SLC39A14: variants seen among roughly 807,000 people sequenced by gnomAD.
SLC39A14 encodes the protein metal cation symporter ZIP14.
SLC39A14 carries 19 observed loss-of-function variants against 45.5 expected under a neutral mutation model. The ratio of observed to expected loss-of-function variants is 0.42; its 90% CI spans 0.29 to 0.61. The LOEUF (loss-of-function observed/expected upper bound fraction) is 0.61, where lower values mean the gene tolerates loss of function less well. Ranked by LOEUF, SLC39A14 falls within the 20% of genes least tolerant of loss-of-function variation. The probability of loss-of-function intolerance (pLI) is 0.22; values close to 1 mark genes in which losing one functional copy is unlikely to be tolerated. For missense variants in SLC39A14, 447 were observed against 616.5 expected (o/e 0.73, Z 2.91); for synonymous variants, 264 against 251.3 (o/e 1.05, Z -0.48).
chr8:22,427,206 G>A (rs917476821), downstream of SLC39A14, among the ~76,000 whole-genome samples: 2 of 152,122 alleles, frequency 1.3e-5, no homozygotes, highest in East Asian at 2.0e-4. Flanking sequence ...CAGGAGAATC[G>A]TTTGAACCCA....
chr8:22,425,883 G>GTTTT (rs72023394), downstream of SLC39A14, among the ~76,000 whole-genome samples: 16 of 140,958 alleles, frequency 1.1e-4, no homozygotes, highest in East Asian at 4.6e-4. Flanking sequence ...GCTCTAGATG[G>GTTTT]TTTTTGTTTT....
chr8:22,430,231 G>A (rs538620158), intron 8 of SLC39A14, among the ~76,000 whole-genome samples: 50 of 152,170 alleles, frequency 3.3e-4, no homozygotes, highest in Admixed American at 1.6e-3. Context: ...CAACCAGCCT[G>A]GCTAATTTAA....
chr8:22,424,364 T>TA (rs953184936), downstream of SLC39A14, among the ~76,000 whole-genome samples: 28 of 151,622 alleles, frequency 1.8e-4, no homozygotes, highest in East Asian at 3.9e-4. Context: ...ACCAGTAAGA[T>TA]AAAAAAAAAG....
Position 22,432,450 on chromosome 8 carries a change from C to A in SLC39A14, c.1333-1441C>A, listed in dbSNP as rs191239733. On this transcript the variant is annotated intron_variant, in intron 8 of 8. Transcript: ENST00000240095. Reference sequence around the variant, plus strand: ...CTCCCTTCTCTCTCTCTTCTCCCTCCTTCCTTTTTCTCTCTCTCTCTCTCT... The same window carrying A: ...CTCCCTTCTCTCTCTCTTCTCCCTCATTCCTTTTTCTCTCTCTCTCTCTCT... Among the ~76,000 whole-genome samples, 65 of 151,758 alleles carry A rather than the reference C, an allele frequency of 4.3e-4. 1 individual carries two copies. Among genetic ancestry groups the A allele is most frequent in the Admixed American group, 3.9e-3 (59 of 15,196 alleles).
intron 1 of SLC39A14, among the ~76,000 whole-genome samples, chr8:22,396,709 G>GTTT (rs112051827): frequency 6.9e-6 from 1 of 144,756 alleles, no homozygotes; most frequent in Non-Finnish European, 1.5e-5. Flanking sequence ...CAGGTGCACC[G>GTTT]TTTTTTTTTT....
At chr8:22,386,685 A>G (rs1244814245) in intron 1 of SLC39A14, among the ~76,000 whole-genome samples, 3 of 152,240 alleles carry the variant, frequency 2.0e-5, no homozygotes, top group African/African-American at 7.2e-5. Context: ...GCTGAGAGGA[A>G]GCTGGAAGCC....
Position 22,422,201 on chromosome 8 carries a change from C to T in SLC39A14, c.*2503C>T. The T allele has an allele frequency of 1.0e-6, 1 of 985,380 alleles. No homozygotes were observed. Among genetic ancestry groups the T allele is most frequent in the Non-Finnish European group, 1.2e-6 (1 of 829,864 alleles). 61.0% of individuals were successfully genotyped at this position (985,380 alleles called of 1,614,324 possible). On this transcript the variant is annotated 3_prime_UTR_variant, in exon 9 of 9. Transcript: ENST00000381237. ...GCTTCGACCTCATTTTCCAGATGCA[C>T]CAGCTCCTATTAATAAGTTAGCAAG...
At chr8:22,404,578 G>A (rs1835091092) in intron 1 of SLC39A14, 118 bp from the exon 2 acceptor site, 2 of 905,326 alleles carry the variant, frequency 2.2e-6, no homozygotes, top group Non-Finnish European at 3.4e-6. Context: ...TCAAGAAGGA[G>A]CAGAGAAGCA....
intron 1 of SLC39A14, among the ~76,000 whole-genome samples, chr8:22,383,789 C>T (rs1284564902): frequency 6.6e-6 from 1 of 152,164 alleles, no homozygotes; most frequent in Non-Finnish European, 1.5e-5. Context: ...CTCCAATTGG[C>T]GTATCTGTAT....
intron 1 of SLC39A14, among the ~76,000 whole-genome samples, chr8:22,400,178 A>T (rs1403707462): frequency 2.0e-5 from 3 of 152,208 alleles, no homozygotes; most frequent in Admixed American, 6.5e-5. Flanking sequence ...TTAAGAAAGC[A>T]CTGAATTTAA....
chr8:22,411,940 C>A, intron 3 of SLC39A14, 97 bp from the exon 4 acceptor site: 1 of 1,184,902 alleles, frequency 8.4e-7, no homozygotes, highest in Non-Finnish European at 1.2e-6. Context: ...TCCCTATCTG[C>A]TCCACCTTCC....
At chr8:22,375,796 A>G (rs997924003) in intron 1 of SLC39A14, among the ~76,000 whole-genome samples, 1 of 152,012 alleles carries the variant, frequency 6.6e-6, no homozygotes, top group Admixed American at 6.6e-5. Flanking sequence ...CCATGGCTGT[A>G]TCTTAGTTTG....
At chr8:22,423,786 T>TTC (rs58420252), downstream of SLC39A14, among the ~76,000 whole-genome samples, 5,595 of 122,208 alleles carry the variant, frequency 0.046, 361 homozygotes, top group African/African-American at 0.12. Flanking sequence ...TTTAATTGGT[T>TTC]TCTCTCTCTC....
At chr8:22,405,100 A>G (rs562577079) in intron 2 of SLC39A14, 120 bp downstream of exon 2, 16 of 852,980 alleles carry the variant, frequency 1.9e-5, no homozygotes, top group Admixed American at 1.3e-4. Flanking sequence ...GAGGCAGACA[A>G]GTCTCGATGA....
chr8:22,407,906 T>C (rs1835321730), intron 2 of SLC39A14, among the ~76,000 whole-genome samples: 1 of 151,286 alleles, frequency 6.6e-6, no homozygotes, highest in Admixed American at 6.6e-5. Context: ...AGAAGGGGTC[T>C]CATGTTGCCC....
chr8:22,432,839 A>T (rs1284730308), intron 8 of SLC39A14, among the ~76,000 whole-genome samples: 1 of 137,222 alleles, frequency 7.3e-6, no homozygotes, highest in African/African-American at 2.8e-5. Flanking sequence ...TTTTTTGTAG[A>T]GATGGGTTTT....
chr8:22,370,379 G>T (rs1237664523), intron 1 of SLC39A14, among the ~76,000 whole-genome samples: 1 of 152,190 alleles, frequency 6.6e-6, no homozygotes. Flanking sequence ...TGGGAACCAG[G>T]ACCTCCCTCT....
chr8:22,387,695 G>C (rs1232720964), intron 1 of SLC39A14, among the ~76,000 whole-genome samples: 1 of 152,218 alleles, frequency 6.6e-6, no homozygotes, highest in Admixed American at 6.5e-5. Flanking sequence ...ATATGAGCCA[G>C]AAGCCTCTGT....
At chr8:22,394,599 G>T (rs939100098) in intron 1 of SLC39A14, among the ~76,000 whole-genome samples, 1 of 152,022 alleles carries the variant, frequency 6.6e-6, no homozygotes, top group Non-Finnish European at 1.5e-5. Context: ...GATTGCAGGC[G>T]TGAGCCACTG....
Sources: allele counts gnomAD v4.1 joint callset (sites outside exome capture counted in the v4.1 genomes callset), GRCh38; gene constraint gnomAD v4.1.1; transcripts MANE v1.5; gene names NCBI Gene and HGNC (gene_info 2026-07-23, HGNC 2026-07-21).